The following FGF13 variants were observed in gnomAD, a reference collection of about 807,000 sequenced individuals.
The protein encoded by FGF13 is fibroblast growth factor 13, also known as fibroblast growth factor homologous factor 2.
In FGF13, 2 loss-of-function variants were observed where a neutral mutation model predicts 19.5. The ratio of observed to expected loss-of-function variants is 0.10; its 90% CI spans 0.04 to 0.32. The LOEUF (loss-of-function observed/expected upper bound fraction) is 0.32. Among genes scored for constraint, FGF13 ranks in the 10% least tolerant of loss-of-function variants. The pLI is 1.00. For synonymous variants in FGF13, 72 were observed against 76.9 expected, an observed-to-expected ratio of 0.94 and a Z score of 0.33; for missense variants, 113 against 192.7, an observed-to-expected ratio of 0.59 and a Z score of 2.45.
chrX:139,038,870 T>C (rs1454990137), intron 1 of FGF13, among the ~76,000 whole-genome samples: 2 of 111,899 alleles, frequency 1.8e-5, no homozygotes, highest in East Asian at 2.8e-4. Context: ...CCTTGAAAAA[T>C]TTGGTAGTGA....
At position 138,629,559 on chromosome X, in the gene FGF13, GA is replaced by G; in HGVS notation, c.*3290del. Reference sequence around the variant, plus strand: ...CCATTCTCTCTCCTGCTGCCACGTGGAAAAGGTCCTTGCTTCCCCTTCATCT... The same window carrying G: ...CCATTCTCTCTCCTGCTGCCACGTGGAAAGGTCCTTGCTTCCCCTTCATCT... On this transcript the variant is annotated 3_prime_UTR_variant, in exon 5 of 5. Coordinates refer to ENST00000315930, the MANE Select transcript of FGF13 (RefSeq NM_004114.5). 1 of 113,663 alleles carries G rather than the reference GA, an allele frequency of 8.8e-6. No individual in the cohort carries two copies. The highest frequency in any genetic ancestry group is 1.9e-5 in the Non-Finnish European group (1 of 53,567). The allele number at this position is 113,663 out of a possible 1,213,427, so 9.4% of individuals were successfully genotyped here.
chrX:139,012,134 C>T (rs2092131629), intron 1 of FGF13, among the ~76,000 whole-genome samples: 1 of 111,373 alleles, frequency 9.0e-6, no homozygotes, highest in African/African-American at 3.3e-5. Context: ...ATATACCTAA[C>T]CAAGGAGGTG....
chrX:138,907,875 T>G (rs966894228), intron 1 of FGF13, among the ~76,000 whole-genome samples: 1 of 111,510 alleles, frequency 9.0e-6, no homozygotes, highest in African/African-American at 3.3e-5. Flanking sequence ...CAGCCTGATA[T>G]GCTAAGAGAA....
At chrX:138,844,241 G>C (rs1163125939) in intron 3 of FGF13, among the ~76,000 whole-genome samples, 2 of 111,978 alleles carry the variant, frequency 1.8e-5, no homozygotes, top group Non-Finnish European at 1.9e-5. Flanking sequence ...TTAATTCTCA[G>C]TGATCCAATA....
At chrX:138,767,130 G>A (rs1010591837) in intron 3 of FGF13, among the ~76,000 whole-genome samples, 3 of 111,667 alleles carry the variant, frequency 2.7e-5, no homozygotes, top group Non-Finnish European at 5.6e-5. Context: ...GATGTGAGGT[G>A]AGAGGGGACC....
chrX:138,637,371 G>A (rs192870989), intron 3 of FGF13, among the ~76,000 whole-genome samples: 13 of 112,207 alleles, frequency 1.2e-4, no homozygotes, highest in African/African-American at 3.6e-4. Context: ...ATCACTGTAC[G>A]GAAAAAAGTC....
At chrX:138,637,104 C>T (rs1331117319) in intron 3 of FGF13, among the ~76,000 whole-genome samples, 1 of 111,867 alleles carries the variant, frequency 8.9e-6, no homozygotes, top group Admixed American at 9.5e-5. Flanking sequence ...GTTATTTCAG[C>T]CTAGGGGCAC....
intron 1 of FGF13, among the ~76,000 whole-genome samples, chrX:139,062,220 C>T (rs1263118552): frequency 9.0e-6 from 1 of 111,214 alleles, no homozygotes; most frequent in African/African-American, 3.3e-5. Context: ...ATCTTTAATC[C>T]ATTTTGAGTT....
intron 3 of FGF13, among the ~76,000 whole-genome samples, chrX:138,700,406 T>C (rs185028775): frequency 2.7e-5 from 3 of 111,826 alleles, no homozygotes; most frequent in African/African-American, 9.7e-5. Flanking sequence ...AGAGTGATCC[T>C]TCCTCTTTGG....
chrX:139,076,638 G>A (rs185537643), intron 1 of FGF13, among the ~76,000 whole-genome samples: 15 of 111,561 alleles, frequency 1.3e-4, no homozygotes, highest in African/African-American at 3.9e-4. Flanking sequence ...AAAATGCAAC[G>A]CTATACTACC....
chrX:139,186,893 C>T (rs1018851761), intron 1 of FGF13, among the ~76,000 whole-genome samples: 1 of 111,981 alleles, frequency 8.9e-6, no homozygotes, highest in Non-Finnish European at 1.9e-5. Flanking sequence ...AGGGAGCATT[C>T]CCTGGTCCTT....
rs1165260556 is a variant in FGF13 at position 138,960,115 on chromosome X, T to A, written c.-112-95465A>T. Among the ~76,000 whole-genome samples, 14 of 112,028 alleles carry A rather than the reference T, an allele frequency of 1.2e-4. No individual in the cohort carries two copies. The Admixed American group carries it at 1.3e-3, about 11-fold the overall frequency. ...TTAGTTGATGCAGTTTCTTCCTAGCTTCAATGGTCTTTACAATTCGGCATG... is the reference window on the plus strand; with the variant it reads ...TTAGTTGATGCAGTTTCTTCCTAGCATCAATGGTCTTTACAATTCGGCATG... On this transcript the variant is annotated intron_variant, in intron 1 of 2. Coordinates refer to the FGF13 transcript ENST00000421460.
chrX:138,790,149 G>C (rs1045097806), intron 3 of FGF13, among the ~76,000 whole-genome samples: 2 of 104,467 alleles, frequency 1.9e-5, no homozygotes, highest in African/African-American at 7.0e-5. Context: ...TTGGAGGCTG[G>C]ACGTCTAAGA....
At chrX:138,865,432 TTCTCTCTC>T in intron 1 of FGF13, among the ~76,000 whole-genome samples, 1 of 99,062 alleles carries the variant, frequency 1.0e-5, no homozygotes, top group East Asian at 3.3e-4. Flanking sequence ...CCTCTCTCTC[TTCTCTCTC>T]TCTCTCTCTC....
At chrX:139,114,379 G>A (rs756142426) in intron 1 of FGF13, among the ~76,000 whole-genome samples, 1 of 112,164 alleles carries the variant, frequency 8.9e-6, no homozygotes, top group African/African-American at 3.2e-5. Context: ...TAGGCCAGTT[G>A]TGTTCAACAA....
chrX:138,619,356 A>T lies in FGF13; in HGVS notation c.*13494T>A, dbSNP rs1271850103. 1.8e-5 allele frequency: 2 copies of T among 111,971 alleles called. No homozygotes were observed. Among genetic ancestry groups the T allele is most frequent in the African/African-American group, 6.5e-5 (2 of 30,793 alleles). The allele number at this position is 111,971 out of a possible 1,213,427, so 9.2% of individuals were successfully genotyped here. On this transcript the variant is annotated 3_prime_UTR_variant, in exon 5 of 5. Coordinates refer to ENST00000315930, the MANE Select transcript of FGF13 (RefSeq NM_004114.5). ...GCATACTCAATCAAATGAAAGAAAT[A>T]ATGAAGTCAAAGCATTAGGAGAAAC...
At chrX:138,808,025 A>G (rs1171283619) in intron 3 of FGF13, among the ~76,000 whole-genome samples, 1 of 111,686 alleles carries the variant, frequency 9.0e-6, no homozygotes, top group African/African-American at 3.3e-5. Context: ...AACATTAGAC[A>G]GATCAACGAG....
intron 1 of FGF13, among the ~76,000 whole-genome samples, chrX:139,152,459 T>C (rs1418912522): frequency 9.2e-6 from 1 of 109,109 alleles, no homozygotes; most frequent in East Asian, 2.9e-4. Context: ...AAAGGGACTC[T>C]GGTTCTAGAG....
At chrX:138,665,348 T>A (rs1440629523) in intron 3 of FGF13, among the ~76,000 whole-genome samples, 1 of 111,442 alleles carries the variant, frequency 9.0e-6, no homozygotes, top group Admixed American at 9.6e-5. Flanking sequence ...GACTGTGTAA[T>A]TAAGTTACTT....
Sources: gnomAD v4.1 joint callset for allele counts (sites outside exome capture counted in the v4.1 genomes callset) on GRCh38, gnomAD v4.1.1 for gene constraint, MANE v1.5 for transcripts, NCBI Gene and HGNC (gene_info 2026-07-23, HGNC 2026-07-21) for gene names.